The following ENOX1 variants were observed in gnomAD, a reference collection of about 807,000 sequenced individuals.
The protein encoded by ENOX1 is ecto-NOX disulfide-thiol exchanger 1.
ENOX1 carries 42 observed loss-of-function variants against 82.5 expected under a neutral mutation model. The ratio of observed to expected loss-of-function variants is 0.51; its 90% confidence interval spans 0.40 to 0.66. The LOEUF (loss-of-function observed/expected upper bound fraction) is 0.66. ENOX1 is among the 30% of genes least tolerant of loss of function. The pLI is 0.00. For missense variants in ENOX1, 608 were observed against 811.6 expected (o/e 0.75, Z 3.05); for synonymous variants, 271 against 282.2 (o/e 0.96, Z 0.40).
chr13:43,254,173 G>A (rs561570496), intron 14 of ENOX1, among the ~76,000 whole-genome samples: 6 of 152,206 alleles, frequency 3.9e-5, no homozygotes, highest in African/African-American at 1.2e-4. Flanking sequence ...ATTTGGGTAC[G>A]GATGGCCATT....
chr13:43,496,889 C>G (rs1218124102), intron 2 of ENOX1, among the ~76,000 whole-genome samples: 1 of 152,078 alleles, frequency 6.6e-6, no homozygotes, highest in Admixed American at 6.6e-5. Context: ...TCATCTTTTT[C>G]TAAAATAATT....
intron 2 of ENOX1, among the ~76,000 whole-genome samples, chr13:43,640,709 G>C (rs548786111): frequency 6.6e-6 from 1 of 152,206 alleles, no homozygotes; most frequent in African/African-American, 2.4e-5. Flanking sequence ...AGCATCACCT[G>C]TCTATCTCTG....
At chr13:43,567,572 G>T (rs1593857487) in intron 2 of ENOX1, among the ~76,000 whole-genome samples, 1 of 152,096 alleles carries the variant, frequency 6.6e-6, no homozygotes, top group Non-Finnish European at 1.5e-5. Context: ...CATGTGGCTT[G>T]ATAATTAATT....
chr13:43,752,240 T>C (rs901043476), intron 1 of ENOX1, among the ~76,000 whole-genome samples: 5 of 152,222 alleles, frequency 3.3e-5, no homozygotes, highest in African/African-American at 1.2e-4. Flanking sequence ...GTTTTCTTAT[T>C]ATTACATTTT....
In ENOX1 at chr13:43,662,161, T is replaced by G. The variant is rs529101235; in HGVS notation, c.-219+5318A>C. Reference sequence around the variant, plus strand: ...GCCTCAATTACTTTAATTCCATTATTCCTGTTCATATTACTTCTTTAATCA... The same window carrying G: ...GCCTCAATTACTTTAATTCCATTATGCCTGTTCATATTACTTCTTTAATCA... On this transcript the variant is annotated intron_variant, in intron 2 of 16. Coordinates refer to ENST00000690772, the MANE Select transcript of ENOX1 (RefSeq NM_001347969.2). 1.7e-3 allele frequency among the ~76,000 whole-genome samples: 258 copies of G among 152,302 alleles called. 1 individual carries two copies. The highest frequency in any genetic ancestry group is 7.1e-3 in the South Asian group (34 of 4,820).
chr13:43,677,552 C>A (rs9567245), intron 1 of ENOX1, among the ~76,000 whole-genome samples: 1 of 152,118 alleles, frequency 6.6e-6, no homozygotes, highest in Non-Finnish European at 1.5e-5. Context: ...CTCTCTAGAG[C>A]GCTCTTTCTC....
intron 2 of ENOX1, among the ~76,000 whole-genome samples, chr13:43,619,552 T>C (rs1189082577): frequency 6.6e-6 from 1 of 152,156 alleles, no homozygotes; most frequent in Non-Finnish European, 1.5e-5. Flanking sequence ...GTGTATCACA[T>C]TTATTGACTT....
At chr13:43,346,538 TG>T (rs751354594) in intron 8 of ENOX1, among the ~76,000 whole-genome samples, 4 of 152,236 alleles carry the variant, frequency 2.6e-5, no homozygotes, top group Non-Finnish European at 5.9e-5. Flanking sequence ...ACACACTTAC[TG>T]AGTATCGTAG....
chr13:43,296,541 G>A (rs1425462804), intron 12 of ENOX1, among the ~76,000 whole-genome samples: 3 of 152,186 alleles, frequency 2.0e-5, no homozygotes, highest in Admixed American at 2.0e-4. Flanking sequence ...ATACATTTCT[G>A]TCTCAACTAC....
intron 15 of ENOX1, among the ~76,000 whole-genome samples, chr13:43,225,262 AG>A (rs2153452825): frequency 6.6e-6 from 1 of 152,294 alleles, no homozygotes; most frequent in South Asian, 2.1e-4. Flanking sequence ...GGACTGCTAG[AG>A]GCGGGAGAGA....
At chr13:43,616,170 C>CTATATATAGA (rs1566641829) in intron 2 of ENOX1, among the ~76,000 whole-genome samples, 287 of 7,820 alleles carry the variant, frequency 0.037, 32 homozygotes, top group African/African-American at 0.088. Context: ...ATCTATCTAT[C>CTATATATAGA]TATCTATCTA....
intron 1 of ENOX1, among the ~76,000 whole-genome samples, chr13:43,771,939 T>C (rs1286532439): frequency 2.1e-5 from 3 of 144,340 alleles, no homozygotes; most frequent in Non-Finnish European, 4.6e-5. Flanking sequence ...GCTAATTTTT[T>C]TTTTTTTTTT....
chr13:43,214,172 G>A, intron 16 of ENOX1, 51 bp from the exon 17 acceptor site: 1 of 1,588,288 alleles, frequency 6.3e-7, no homozygotes, highest in Non-Finnish European at 8.6e-7. Context: ...CATCTTAAAG[G>A]AGGAATGGAT....
chr13:43,556,527 T>A (rs1239933532), intron 2 of ENOX1, among the ~76,000 whole-genome samples: 1 of 152,128 alleles, frequency 6.6e-6, no homozygotes, highest in African/African-American at 2.4e-5. Flanking sequence ...AACTAAGAGG[T>A]CACATCAGGA....
chr13:43,411,694 G>C (rs1345879192), intron 5 of ENOX1, among the ~76,000 whole-genome samples: 1 of 152,226 alleles, frequency 6.6e-6, no homozygotes, highest in Admixed American at 6.5e-5. Context: ...GCAAGACTGT[G>C]TATAGCAATA....
chr13:43,785,480 C>A lies in ENOX1; in HGVS notation c.-285+1172G>T, dbSNP rs985691254. 2.6e-4 allele frequency among the ~76,000 whole-genome samples: 39 copies of A among 152,194 alleles called. 1 individual carries two copies. Among genetic ancestry groups the A allele is most frequent in the African/African-American group, 9.4e-4 (39 of 41,454 alleles). ...CCTTTCCATACGCACGTATTTCCTG[C>A]ATTCTCCTGGGTCTGCTTTTAAAAA... On this transcript the variant is annotated intron_variant, in intron 1 of 16. Transcript: ENST00000690772.
chr13:43,593,004 G>A (rs374696084), intron 2 of ENOX1, among the ~76,000 whole-genome samples: 9 of 152,190 alleles, frequency 5.9e-5, no homozygotes, highest in African/African-American at 1.7e-4. Context: ...TAACTATCAC[G>A]TTAGTTATTC....
At position 43,298,208 on chromosome 13, in the gene ENOX1, T is replaced by G. The variant is rs2046379565; in HGVS notation, c.1446+138A>C. ...CCCTTCCACAAACAGTCATTAGCACTTTTCTGTCCTAGTAACATAGCTTTT... is the reference window on the plus strand; with the variant it reads ...CCCTTCCACAAACAGTCATTAGCACGTTTCTGTCCTAGTAACATAGCTTTT... On this transcript the variant is annotated intron_variant, in intron 12 of 16. Coordinates refer to ENST00000690772, the MANE Select transcript of ENOX1 (RefSeq NM_001347969.2). 4.7e-6 allele frequency: 4 copies of G among 855,510 alleles called. No homozygotes were observed. In the Admixed American group the frequency reaches 1.3e-4, roughly 29 times the overall value. The allele number at this position is 855,510 out of a possible 1,614,324, so 53.0% of individuals were successfully genotyped here.
chr13:43,777,106 C>A (rs1951963281), intron 1 of ENOX1, among the ~76,000 whole-genome samples: 1 of 152,214 alleles, frequency 6.6e-6, no homozygotes, highest in South Asian at 2.1e-4. Context: ...TGTTGCCATA[C>A]AATGGTCACC....
Sources: allele counts gnomAD v4.1 joint callset (sites outside exome capture counted in the v4.1 genomes callset), GRCh38; gene constraint gnomAD v4.1.1; transcripts MANE v1.5; gene names NCBI Gene and HGNC (gene_info 2026-07-23, HGNC 2026-07-21).